IFIH1: variants seen among roughly 807,000 people sequenced by gnomAD.
IFIH1 encodes interferon-induced helicase C domain-containing protein 1.
IFIH1 carries 125 observed loss-of-function variants against 107.4 expected under a neutral mutation model. That is an observed-to-expected ratio of 1.16 (90% CI 1.01 to 1.35). The LOEUF (loss-of-function observed/expected upper bound fraction) is 1.35, where lower values mean the gene tolerates loss of function less well. Among genes scored for constraint, IFIH1 ranks in the 40% most tolerant of loss-of-function variants. The pLI, the probability that IFIH1 is intolerant of heterozygous loss-of-function variation, is 0.00. For synonymous variants in IFIH1, 458 were observed against 413.2 expected, an observed-to-expected ratio of 1.11 and a Z score of -1.31; for missense variants, 1,333 against 1,213.7, an observed-to-expected ratio of 1.10 and a Z score of -1.46.
intron 4 of IFIH1, among the ~76,000 whole-genome samples, chr2:162,289,042 C>T (rs1010442620): frequency 5.3e-5 from 8 of 151,700 alleles, no homozygotes; most frequent in Non-Finnish European, 8.8e-5. Context: ...GAGGAAAAAA[C>T]TCTTCCTATG....
chr2:162,304,394 C>G (rs1360065990), intron 3 of IFIH1, among the ~76,000 whole-genome samples: 2 of 152,050 alleles, frequency 1.3e-5, no homozygotes, highest in Non-Finnish European at 2.9e-5. Context: ...CCTGGGAGGT[C>G]AAGGCTGCAG....
rs534033779 is a variant in IFIH1, at chr2:162,306,615, C to T, written c.769+94G>A. 579 of 792,560 alleles carry T rather than the reference C, an allele frequency of 7.3e-4. 7 individuals carry two copies. In the South Asian group the frequency reaches 0.01, roughly 14 times the overall value. The allele number at this position is 792,560 out of a possible 1,614,324, so 49.1% of individuals were successfully genotyped here. ...ATATAAATGTTTACTAACCTTAATG[C>T]CCACATTTTCTCCCTCTGATTAATA... On this transcript the variant is annotated intron_variant, in intron 3 of 15. Transcript: ENST00000649979.
chr2:162,303,145 G>A (rs949498428), intron 3 of IFIH1, among the ~76,000 whole-genome samples: 1 of 151,820 alleles, frequency 6.6e-6, no homozygotes, highest in East Asian at 1.9e-4. Flanking sequence ...GAGTTTTTTT[G>A]TTCTTATTGC....
At chr2:162,281,768 T>A (rs893064557) in intron 6 of IFIH1, among the ~76,000 whole-genome samples, 1 of 152,004 alleles carries the variant, frequency 6.6e-6, no homozygotes, top group African/African-American at 2.4e-5. Context: ...ACATTCTCCT[T>A]CTTTAATAGA....
intron 2 of IFIH1, among the ~76,000 whole-genome samples, chr2:162,307,557 T>C (rs1683306940): frequency 6.6e-6 from 1 of 152,240 alleles, no homozygotes; most frequent in Admixed American, 6.5e-5. Context: ...CAACTACATG[T>C]AATGGGTATT....
At position 162,272,442 on chromosome 2, in the gene IFIH1, C is replaced by A. The variant is rs535601820; in HGVS notation, c.2455-55G>T. The A allele has an allele frequency of 3.4e-6, 5 of 1,485,194 alleles. No homozygotes were observed. In the South Asian group the frequency reaches 6.0e-5, roughly 18 times the overall value. 92.0% of individuals were successfully genotyped at this position (1,485,194 alleles called of 1,614,324 possible). A position where few individuals can be genotyped will look rare whatever the true frequency, so the allele number is the denominator to read the frequency against. ...AAGGGTACGTTGTGATACAAATCCT[C>A]CTGGTTTTTTCTGGGAATGATATTC... is the stretch of plus-strand genomic sequence containing the variant. On this transcript the variant is annotated intron_variant, in intron 12 of 15. Coordinates refer to ENST00000649979, the MANE Select transcript of IFIH1 (RefSeq NM_022168.4).
Position 162,318,485 on chromosome 2 carries a change from C to T in IFIH1, c.-178G>A. 1 of 560,032 alleles carries T rather than the reference C, an allele frequency of 1.8e-6. No homozygotes were observed. Among genetic ancestry groups the T allele is most frequent in the Non-Finnish European group, 3.1e-6 (1 of 322,210 alleles). The allele number at this position is 560,032 out of a possible 1,614,324, so 34.7% of individuals were successfully genotyped here. A position where few individuals can be genotyped will look rare whatever the true frequency, so the allele number is the denominator to read the frequency against. On this transcript the variant is annotated 5_prime_UTR_variant, in exon 1 of 16. In the 5' UTR this introduces an upstream ATG that the reference lacks. Transcript: ENST00000649979. The stretch of plus-strand genomic sequence containing the variant: ...TCTCAGGCCGGCGCGCGGGGCTGCA[C>T]TCGCACCTGGGCAGGTGGGCAGGCG...
intron 11 of IFIH1, among the ~76,000 whole-genome samples, chr2:162,276,292 A>C (rs1360173807): frequency 1.3e-5 from 2 of 152,188 alleles, no homozygotes; most frequent in Admixed American, 6.5e-5. Flanking sequence ...ATTTGAGAAG[A>C]GTAATAACAG....
chr2:162,308,561 A>C (rs1478211657), intron 2 of IFIH1, among the ~76,000 whole-genome samples: 1 of 152,018 alleles, frequency 6.6e-6, no homozygotes, highest in Non-Finnish European at 1.5e-5. Context: ...TATTCTTAGT[A>C]GAGATGCGGT....
At chr2:162,277,044 GT>G in intron 10 of IFIH1, 98 bp from the exon 11 acceptor site, 1 of 805,362 alleles carries the variant, frequency 1.2e-6, no homozygotes, top group Non-Finnish European at 1.9e-6. Flanking sequence ...AAAATATACA[GT>G]TTTATTGATT....
intron 10 of IFIH1, among the ~76,000 whole-genome samples, chr2:162,277,158 C>A (rs557887207): frequency 6.6e-6 from 1 of 152,048 alleles, no homozygotes; most frequent in Non-Finnish European, 1.5e-5. Context: ...TACAATCTTG[C>A]GCTATATCTA....
intron 11 of IFIH1, among the ~76,000 whole-genome samples, chr2:162,274,641 GA>G (rs145796693): frequency 1.2e-3 from 177 of 152,220 alleles, no homozygotes; most frequent in African/African-American, 3.9e-3. Flanking sequence ...ATTTTCAAAT[GA>G]AAAAACTCTG....
intron 3 of IFIH1, among the ~76,000 whole-genome samples, chr2:162,306,294 G>A (rs536403867): frequency 2.0e-5 from 3 of 151,970 alleles, no homozygotes; most frequent in African/African-American, 4.8e-5. Flanking sequence ...TAATTTTTAC[G>A]ACACAGTTGA....
At chr2:162,274,012 A>G (rs1292891883) in intron 11 of IFIH1, 68 bp from the exon 12 acceptor site, 14 of 1,083,796 alleles carry the variant, frequency 1.3e-5, no homozygotes, top group Non-Finnish European at 1.9e-5. Flanking sequence ...AATTAGAGGA[A>G]GAAATAATAA....
chr2:162,280,017 G>C lies in IFIH1; in HGVS notation c.1620C>G (p.Ala540=), dbSNP rs1428640918. The C allele has an allele frequency of 6.2e-7, 1 of 1,603,534 alleles. No individual in the cohort carries two copies. The highest frequency in any genetic ancestry group is 1.3e-5 in the African/African-American group (1 of 74,598). Residue 540 remains alanine, a synonymous_variant, in exon 8 of 16, where the codon GCC becomes GCG. Coordinates refer to ENST00000649979, the MANE Select transcript of IFIH1 (RefSeq NM_022168.4). ...NQIQEPCKKF[A]IADATREDPF... Reference sequence around the variant, plus strand: ...ATACTTCTCTGGTTGCATCTGCAATGGCAAACTTCTTGCATGGCTCCTGTA... The same window carrying C: ...ATACTTCTCTGGTTGCATCTGCAATCGCAAACTTCTTGCATGGCTCCTGTA...
chr2:162,316,934 G>A (rs957134795), intron 1 of IFIH1, among the ~76,000 whole-genome samples: 17 of 152,024 alleles, frequency 1.1e-4, no homozygotes, highest in Non-Finnish European at 8.8e-5. Context: ...ATGAAAAACT[G>A]AAACTAGCAA....
rs186956317 is a variant in IFIH1, at chr2:162,318,516, G to T, written c.-209C>A. 2.9e-6 allele frequency: 1 copy of T among 343,044 alleles called. No individual in the cohort carries two copies. Among genetic ancestry groups the T allele is most frequent in the Non-Finnish European group, 5.1e-6 (1 of 194,642 alleles). 21.3% of individuals were successfully genotyped at this position (343,044 alleles called of 1,614,324 possible). On this transcript the variant is annotated 5_prime_UTR_variant, in exon 1 of 16. Transcript: ENST00000649979. ...CCTGGGCAGGTGGGCAGGCGGGCAGGTGGGCAGCGGGGCGGCGCGCGGGGC... is the reference window on the plus strand; with the variant it reads ...CCTGGGCAGGTGGGCAGGCGGGCAGTTGGGCAGCGGGGCGGCGCGCGGGGC...
intron 1 of IFIH1, among the ~76,000 whole-genome samples, chr2:162,316,577 C>G (rs1339175567): frequency 2.0e-5 from 3 of 152,116 alleles, no homozygotes; most frequent in African/African-American, 7.2e-5. Flanking sequence ...GACTAAATTG[C>G]ATCATAGGCT....
At position 162,282,377 on chromosome 2, in the gene IFIH1, A is replaced by C. The variant is rs1382291566; in HGVS notation, c.1295T>G (p.Val432Gly). The change falls in exon 6 of 16, where the codon GTT becomes GGT. Residue 432 changes from valine (V) to glycine (G), a missense_variant. Physicochemically the swap from Val to Gly is moderately radical, Grantham distance 109 (BLOSUM62 -3). Coordinates refer to ENST00000649979, the MANE Select transcript of IFIH1 (RefSeq NM_022168.4). ...LNLENGEDAGVQLSDFSLIII... is the reference protein window; with the variant it reads ...LNLENGEDAGGQLSDFSLIII... ...ACACTTAAACTGACCTGACAATTGA[A>C]CACCAGCATCTTCTCCATTTTCCAA... 3.1e-6 allele frequency: 5 copies of C among 1,607,608 alleles called. No homozygotes were observed. The highest frequency in any genetic ancestry group is 4.3e-6 in the Non-Finnish European group (5 of 1,175,702).
Sources: gnomAD v4.1 joint callset for allele counts (sites outside exome capture counted in the v4.1 genomes callset) on GRCh38, gnomAD v4.1.1 for gene constraint, MANE v1.5 for transcripts, NCBI Gene and HGNC (gene_info 2026-07-23, HGNC 2026-07-21) for gene names.